Variants in VPS41 observed in about 807,000 individuals in gnomAD.
The protein encoded by VPS41 is vacuolar protein sorting-associated protein 41 homolog.
VPS41 carries 85 observed loss-of-function variants against 130.9 expected under a neutral mutation model. That is an observed-to-expected ratio of 0.65 (90% CI 0.55 to 0.78). The LOEUF is 0.78. VPS41 is among the 30% of genes least tolerant of loss of function. VPS41 has a pLI of 0.00. For missense variants in VPS41, 874 were observed against 1,018.7 expected, an observed-to-expected ratio of 0.86 and a Z score of 1.93; for synonymous variants, 335 against 332.9, an observed-to-expected ratio of 1.01 and a Z score of -0.07.
At chr7:38,868,162 T>G (rs1786268761) in intron 3 of VPS41, among the ~76,000 whole-genome samples, 1 of 152,070 alleles carries the variant, frequency 6.6e-6, no homozygotes, top group African/African-American at 2.4e-5. Context: ...GAATGAAATT[T>G]GGTTGAAGAA....
At chr7:38,739,674 C>T (rs1168697577) in intron 25 of VPS41, among the ~76,000 whole-genome samples, 1 of 152,170 alleles carries the variant, frequency 6.6e-6, no homozygotes, top group African/African-American at 2.4e-5. Flanking sequence ...CCAGTGGGGA[C>T]TCCAGATGCA....
chr7:38,779,190 T>C lies in VPS41; in HGVS notation c.785-2414A>G, dbSNP rs556355893. Among the ~76,000 whole-genome samples the C allele has an allele frequency of 5.9e-5, 9 of 152,328 alleles. 1 individual carries two copies. The South Asian group carries it at 1.9e-3, about 32-fold the overall frequency. On this transcript the variant is annotated intron_variant, in intron 10 of 28. Coordinates refer to ENST00000310301, the MANE Select transcript of VPS41 (RefSeq NM_014396.4). ...ATTAATAATTTGGACACGGACTATA[T>C]GCAGTGGCTAAATCACAAGCTGACA...
chr7:38,745,892 C>G (rs1048723816), intron 22 of VPS41: 27 of 347,172 alleles, frequency 7.8e-5, no homozygotes, highest in Admixed American at 1.4e-4. Context: ...AAAGAAAGGG[C>G]CTTTCCCACT....
At chr7:38,817,176 GA>G (rs969302217) in intron 7 of VPS41, among the ~76,000 whole-genome samples, 4 of 150,042 alleles carry the variant, frequency 2.7e-5, no homozygotes, top group African/African-American at 9.8e-5. Flanking sequence ...AAAAAAATCG[GA>G]AAAAAAAAAT....
intron 27 of VPS41, 159 bp from the exon 28 acceptor site, chr7:38,727,147 T>C: frequency 3.6e-6 from 2 of 547,962 alleles, no homozygotes; most frequent in Non-Finnish European, 5.9e-6. Flanking sequence ...GGTGGTATGA[T>C]CAGACACAAA....
intron 4 of VPS41, among the ~76,000 whole-genome samples, chr7:38,859,608 A>C (rs1046147286): frequency 1.3e-5 from 2 of 152,198 alleles, no homozygotes; most frequent in Non-Finnish European, 2.9e-5. Context: ...TTTGTAGTCT[A>C]GAAGCAACAG....
At chr7:38,755,621 G>A (rs1201899159) in intron 19 of VPS41, among the ~76,000 whole-genome samples, 2 of 152,108 alleles carry the variant, frequency 1.3e-5, no homozygotes, top group African/African-American at 4.8e-5. Flanking sequence ...TGCTCCAAAT[G>A]TTACTTTTGT....
intron 12 of VPS41, 36 bp from the exon 13 acceptor site, chr7:38,772,673 T>C: frequency 6.8e-7 from 1 of 1,472,184 alleles, no homozygotes; most frequent in Non-Finnish European, 9.5e-7. Flanking sequence ...ACTTGGTGAC[T>C]GAACAGCAGA....
intron 13 of VPS41, among the ~76,000 whole-genome samples, chr7:38,771,832 T>C (rs1039520911): frequency 2.0e-5 from 3 of 152,152 alleles, no homozygotes; most frequent in East Asian, 1.9e-4. Context: ...TAAAGTAACA[T>C]GGTAATTACT....
In VPS41 at chr7:38,874,152, A is replaced by AT. The variant is rs1584439313; in HGVS notation, c.61-4900dup. On this transcript the variant is annotated intron_variant, in intron 2 of 28. Coordinates refer to ENST00000310301, the MANE Select transcript of VPS41 (RefSeq NM_014396.4). The stretch of plus-strand genomic sequence containing the variant: ...TCTTGTTTAAACATATCTTTCACAT[A>AT]TATTGGTACATTTTATATGGCATCA... Among the ~76,000 whole-genome samples, 3 of 152,198 alleles carry AT rather than the reference A, an allele frequency of 2.0e-5. No homozygotes were observed. In the East Asian group the frequency reaches 5.8e-4, roughly 29 times the overall value.
At position 38,728,567 on chromosome 7, in the gene VPS41, C is replaced by A. The variant is rs146415083; in HGVS notation, c.2379G>T (p.Ser793=). Residue 793 remains serine, a synonymous_variant, in exon 27 of 29, where the codon TCG becomes TCT. Transcript: ENST00000310301. The part of the protein sequence containing the change: ...VLVDEENICE[S]CLSPILPSDA... ...CTGATGGAAGAATAGGGGAAAGGCA[C>A]GACTCACAGATGTTCTCCTCTGTAA... The A allele has an allele frequency of 3.1e-6, 5 of 1,614,122 alleles. No individual in the cohort carries two copies. The highest frequency in any genetic ancestry group is 4.5e-5 in the East Asian group (2 of 44,878).
intron 22 of VPS41, among the ~76,000 whole-genome samples, chr7:38,750,881 T>C (rs1783657290): frequency 6.6e-6 from 1 of 152,216 alleles, no homozygotes; most frequent in African/African-American, 2.4e-5. Flanking sequence ...ACATCCTCTC[T>C]GAAATATACA....
In VPS41 at chr7:38,909,145, A is replaced by C; in HGVS notation, c.21+9T>G. The C allele has an allele frequency of 6.2e-7, 1 of 1,613,708 alleles. No individual in the cohort carries two copies. Among genetic ancestry groups the C allele is most frequent in the African/African-American group, 1.3e-5 (1 of 74,848 alleles). On this transcript the variant is annotated intron_variant, in intron 1 of 28. Transcript: ENST00000310301. ...CCCTGTGCCCTCAACTACCACCTGCACCCTTTACCTGCTCCTCTGCTTCCG... is the reference window on the plus strand; with the variant it reads ...CCCTGTGCCCTCAACTACCACCTGCCCCCTTTACCTGCTCCTCTGCTTCCG...
intron 4 of VPS41, among the ~76,000 whole-genome samples, chr7:38,860,364 G>T (rs1445257489): frequency 6.6e-6 from 1 of 152,116 alleles, no homozygotes; most frequent in African/African-American, 2.4e-5. Flanking sequence ...ATAGCTTAGT[G>T]ATTTTTACAT....
chr7:38,725,934 T>C lies in VPS41; in HGVS notation c.*312A>G, dbSNP rs1795530331. The C allele has an allele frequency of 1.9e-5, 4 of 211,270 alleles. No individual in the cohort carries two copies. The highest frequency in any genetic ancestry group is 3.7e-5 in the Non-Finnish European group (4 of 106,990). 13.1% of individuals were successfully genotyped at this position (211,270 alleles called of 1,614,324 possible). The stretch of plus-strand genomic sequence containing the variant: ...TGTCCATTTTATGGTTAAATGGTTT[T>C]ACTAAGGTCTAAAAAATTCATTTCT... On this transcript the variant is annotated 3_prime_UTR_variant, in exon 29 of 29. Transcript: ENST00000310301.
At chr7:38,849,782 C>T (rs1450351277) in intron 4 of VPS41, among the ~76,000 whole-genome samples, 1 of 152,070 alleles carries the variant, frequency 6.6e-6, no homozygotes, top group Non-Finnish European at 1.5e-5. Flanking sequence ...TGTGGCAGGA[C>T]AGGGTGGTCT....
At chr7:38,766,139 A>G (rs1784038360) in intron 15 of VPS41, among the ~76,000 whole-genome samples, 1 of 152,236 alleles carries the variant, frequency 6.6e-6, no homozygotes, top group Non-Finnish European at 1.5e-5. Flanking sequence ...CTTATGTATG[A>G]ATGAAACCTT....
At chr7:38,907,810 C>T (rs1787300809) in intron 1 of VPS41, among the ~76,000 whole-genome samples, 1 of 152,096 alleles carries the variant, frequency 6.6e-6, no homozygotes, top group Non-Finnish European at 1.5e-5. Flanking sequence ...GCTTTCAAAT[C>T]AAACCATAAA....
intron 11 of VPS41, 67 bp downstream of exon 11, chr7:38,776,612 C>A (rs943601101): frequency 1.7e-5 from 15 of 863,158 alleles, no homozygotes; most frequent in Admixed American, 1.7e-4. Context: ...TGATGAACAA[C>A]CTGATCTGGG....
Sources: gnomAD v4.1 joint callset for allele counts (sites outside exome capture counted in the v4.1 genomes callset) on GRCh38, gnomAD v4.1.1 for gene constraint, MANE v1.5 for transcripts, NCBI Gene and HGNC (gene_info 2026-07-23, HGNC 2026-07-21) for gene names.